KAT5: variants seen among roughly 807,000 people sequenced by gnomAD.
KAT5 encodes the protein lysine acetyltransferase 5, also known as histone acetyltransferase KAT5.
KAT5 carries 31 observed loss-of-function variants against 68.1 expected under a neutral mutation model. The observed-to-expected ratio is 0.46, with a 90% CI of 0.34 to 0.61. KAT5 has a LOEUF of 0.61. Among genes scored for constraint, KAT5 ranks in the 20% least tolerant of loss-of-function variants. KAT5 has a pLI of 0.01. For missense variants in KAT5, 451 were observed against 725.5 expected (o/e 0.62, Z 4.35); for synonymous variants, 365 against 292.6 (o/e 1.25, Z -2.52).
rs898565080 is a variant in KAT5, at chr11:65,719,489, A to G, written c.*308A>G. 3.3e-6 allele frequency: 2 copies of G among 608,914 alleles called. No homozygotes were observed. The highest frequency in any genetic ancestry group is 3.7e-5 in the African/African-American group (2 of 53,990). The allele number at this position is 608,914 out of a possible 1,614,324, so 37.7% of individuals were successfully genotyped here. A position where few individuals can be genotyped will look rare whatever the true frequency, so the allele number is the denominator to read the frequency against. ...GGGAGCTCTGTACAGAGGGCTGGTG[A>G]TTGTAAAAATTTCTTTTGTAAAGTA... is the stretch of plus-strand genomic sequence containing the variant. On this transcript the variant is annotated 3_prime_UTR_variant, in exon 13 of 13. Coordinates refer to ENST00000341318, the MANE Select transcript of KAT5 (RefSeq NM_182710.3).
At chr11:65,715,593 T>C (rs894428757) in intron 8 of KAT5, among the ~76,000 whole-genome samples, 1 of 151,700 alleles carries the variant, frequency 6.6e-6, no homozygotes, top group Non-Finnish European at 1.5e-5. Context: ...ACCCTGTCTC[T>C]ACTAAAAAGT....
chr11:65,712,508 T>A, intron 1 of KAT5, 63 bp downstream of exon 1: 1 of 1,495,864 alleles, frequency 6.7e-7, no homozygotes, highest in South Asian at 1.2e-5. Flanking sequence ...TCAACTGAAA[T>A]CCCGGGATGG....
chr11:65,713,135 T>C, intron 3 of KAT5, 77 bp downstream of exon 3: 1 of 1,563,036 alleles, frequency 6.4e-7, no homozygotes, highest in Non-Finnish European at 8.8e-7. Flanking sequence ...AGCTCCTGGA[T>C]GGGCAGGAGG....
intron 8 of KAT5, chr11:65,715,829 G>C (rs1465644216): frequency 6.6e-6 from 1 of 152,052 alleles, no homozygotes; most frequent in East Asian, 1.9e-4. Flanking sequence ...CCAGCACTTT[G>C]GGAGGCCAAG....
chr11:65,719,245 C>A lies in KAT5; in HGVS notation c.*64C>A, dbSNP rs905995665. On this transcript the variant is annotated 3_prime_UTR_variant, in exon 13 of 13. Transcript: ENST00000341318. ...ACTGGGGCTGATAGCCCACCCCGCC[C>A]CCACTGCAGCTCCCACAAAGCACTC... 3 of 1,564,980 alleles carry A rather than the reference C, an allele frequency of 1.9e-6. No homozygotes were observed. The highest frequency in any genetic ancestry group is 8.7e-7 in the Non-Finnish European group (1 of 1,149,508).
In KAT5 at chr11:65,713,478, G is replaced by A; in HGVS notation, c.515G>A (p.Cys172Tyr). Residue 172 changes from cysteine to tyrosine, a missense_variant, in exon 4 of 13, where the codon TGC becomes TAC. This residue lies in a region of KAT5 where 135 missense variants were observed against 173.4 expected (regional missense o/e 0.78). Coordinates refer to ENST00000341318, the MANE Select transcript of KAT5 (RefSeq NM_182710.3). ...GACCAGCCGCTCTCCTCCAGCTCCTGCCTGCAGCCCAACCACCGCTCAACG... is the reference window on the plus strand; with the variant it reads ...GACCAGCCGCTCTCCTCCAGCTCCTACCTGCAGCCCAACCACCGCTCAACG... ...EPDQPLSSSS[C>Y]LQPNHRSTKR... 6.2e-7 allele frequency: 1 copy of A among 1,614,184 alleles called. No homozygotes were observed. Among genetic ancestry groups the A allele is most frequent in the Non-Finnish European group, 8.5e-7 (1 of 1,180,028 alleles).
Position 65,719,137 on chromosome 11 carries a change from C to G in KAT5, c.1597C>G (p.Leu533Val), listed in dbSNP as rs537738482. 1.2e-6 allele frequency: 2 copies of G among 1,614,214 alleles called. No homozygotes were observed. Among genetic ancestry groups the G allele is most frequent in the African/African-American group, 2.7e-5 (2 of 75,064 alleles). Residue 533 changes from leucine to valine, a missense_variant, in exon 13 of 13, where the codon CTG (leucine) becomes GTG (valine). Physicochemically the swap from Leu to Val is conservative, Grantham distance 32. Coordinates refer to ENST00000341318, the MANE Select transcript of KAT5 (RefSeq NM_182710.3). ...KRLLRIDSKC[L>V]HFTPKDWSKR... Reference sequence around the variant, plus strand: ...GCTCCTGCGGATCGACTCCAAGTGTCTGCACTTCACTCCCAAGGACTGGAG... The same window carrying G: ...GCTCCTGCGGATCGACTCCAAGTGTGTGCACTTCACTCCCAAGGACTGGAG...
In KAT5 at chr11:65,713,479, C is replaced by T. The variant is rs1159500981; in HGVS notation, c.516C>T (p.Cys172=). The part of the protein sequence containing the change: ...EPDQPLSSSS[C]LQPNHRSTKR... Reference sequence around the variant, plus strand: ...ACCAGCCGCTCTCCTCCAGCTCCTGCCTGCAGCCCAACCACCGCTCAACGG... The same window carrying T: ...ACCAGCCGCTCTCCTCCAGCTCCTGTCTGCAGCCCAACCACCGCTCAACGG... Residue 172 remains cysteine (C), a synonymous_variant, in exon 4 of 13, where the codon TGC becomes TGT. Coordinates refer to ENST00000341318, the MANE Select transcript of KAT5 (RefSeq NM_182710.3). 1.9e-6 allele frequency: 3 copies of T among 1,614,232 alleles called. No homozygotes were observed. Among genetic ancestry groups the T allele is most frequent in the East Asian group, 2.2e-5 (1 of 44,888 alleles).
chr11:65,713,766 C>T lies in KAT5; in HGVS notation c.616-8C>T. 2 of 1,613,254 alleles carry T rather than the reference C, an allele frequency of 1.2e-6. No individual in the cohort carries two copies. Among genetic ancestry groups the T allele is most frequent in the South Asian group, 1.1e-5 (1 of 90,936 alleles). ...CAGCCATCCCTTCTTTTCCTACTAT[C>T]TCGGCAGAATGGAGCCGCCCGTAGG... On this transcript the variant is annotated splice_polypyrimidine_tract_variant and splice_region_variant and intron_variant, in intron 5 of 12. Coordinates refer to ENST00000341318, the MANE Select transcript of KAT5 (RefSeq NM_182710.3).
chr11:65,713,814 G>A lies in KAT5; in HGVS notation c.656G>A (p.Arg219Gln), dbSNP rs372880133. 1.0e-5 allele frequency: 16 copies of A among 1,601,512 alleles called. No individual in the cohort carries two copies. Among genetic ancestry groups the A allele is most frequent in the Non-Finnish European group, 1.2e-5 (14 of 1,173,970 alleles). The change falls in exon 6 of 13, where the codon CGG (arginine) becomes CAG (glutamine). Residue 219 changes from arginine (R) to glutamine (Q), a missense_variant. Around this residue, in one of 4 missense-constraint regions of KAT5, gnomAD observed 210 missense variants for 423.7 expected, o/e 0.50. Coordinates refer to ENST00000341318, the MANE Select transcript of KAT5 (RefSeq NM_182710.3). ...AGGGCAGTGGCAGCCCAGCCAGGAC[G>A]GAAGCGAAAATCGAATTGTTTGGGC... is the stretch of plus-strand genomic sequence containing the variant. ...ARRAVAAQPGRKRKSNCLGTD... is the reference protein window; with the variant it reads ...ARRAVAAQPGQKRKSNCLGTD...
At chr11:65,715,557 G>A (rs1205759332) in intron 8 of KAT5, among the ~76,000 whole-genome samples, 1 of 150,118 alleles carries the variant, frequency 6.7e-6, no homozygotes, top group African/African-American at 2.5e-5. Flanking sequence ...TCAGGAGATC[G>A]AGACCATCCT....
In KAT5 at chr11:65,714,618, C is replaced by T; in HGVS notation, c.814C>T (p.Arg272Trp). The change falls in exon 7 of 13, where the codon CGG (arginine) becomes TGG (tryptophan). Residue 272 changes from arginine to tryptophan, a missense_variant. Arg to Trp is a moderately radical substitution (Grantham distance 101). This residue lies in a region of KAT5 where 210 missense variants were observed against 423.7 expected (regional missense o/e 0.50). Coordinates refer to ENST00000341318, the MANE Select transcript of KAT5 (RefSeq NM_182710.3). ...GAACATTGAGTGCATTGAGCTGGGC[C>T]GGCACCGCCTCAAGCCGTGGTACTT... is the stretch of plus-strand genomic sequence containing the variant. The part of the protein sequence containing the change: ...MKNIECIELG[R>W]HRLKPWYFSP... 7 of 1,614,158 alleles carry T rather than the reference C, an allele frequency of 4.3e-6. No homozygotes were observed. The highest frequency in any genetic ancestry group is 5.9e-6 in the Non-Finnish European group (7 of 1,180,036).
upstream of KAT5, chr11:65,712,180 G>A (rs1223953182): frequency 4.6e-6 from 6 of 1,309,612 alleles, no homozygotes; most frequent in Non-Finnish European, 4.0e-6. Flanking sequence ...CCTCTACAGG[G>A]GCTTCGTGAG....
In KAT5 at chr11:65,714,752, G is replaced by T. The variant is rs752454142; in HGVS notation, c.939+9G>T. On this transcript the variant is annotated intron_variant, in intron 7 of 12. Transcript: ENST00000341318. ...GTCTTCAGCGTCATTTGGTATGAGG[G>T]GTCCAGGGAGGCTGCCTTCCCAGCA... 5 of 1,614,132 alleles carry T rather than the reference G, an allele frequency of 3.1e-6. No homozygotes were observed. The highest frequency in any genetic ancestry group is 2.5e-6 in the Non-Finnish European group (3 of 1,180,008).
chr11:65,719,580 G>T lies in KAT5; in HGVS notation c.*399G>T, dbSNP rs533513209. The T allele has an allele frequency of 3.0e-6, 2 of 660,562 alleles. No homozygotes were observed. The highest frequency in any genetic ancestry group is 5.0e-5 in the Admixed American group (2 of 40,278). 40.9% of individuals were successfully genotyped at this position (660,562 alleles called of 1,614,324 possible). On this transcript the variant is annotated 3_prime_UTR_variant, in exon 13 of 13. Transcript: ENST00000341318. ...GGCTTCTCTTACCCCTATTGCCCCC[G>T]GCAATAAATTGTTTCTATATGCCAG...
At chr11:65,713,232 G>T in intron 3 of KAT5, 116 bp from the exon 4 acceptor site, 1 of 1,323,966 alleles carries the variant, frequency 7.6e-7, no homozygotes, top group South Asian at 1.3e-5. Flanking sequence ...CTAGTCCTGT[G>T]TCCTTCAGAA....
At chr11:65,718,500 A>C (rs997423938) in intron 10 of KAT5, 90 bp from the exon 11 acceptor site, 3 of 1,372,856 alleles carry the variant, frequency 2.2e-6, no homozygotes, top group Non-Finnish European at 3.0e-6. Context: ...GATAGGAACT[A>C]GGCAGCCTGC....
chr11:65,717,124 T>C, intron 10 of KAT5, 142 bp downstream of exon 10: 1 of 675,240 alleles, frequency 1.5e-6, no homozygotes, highest in Non-Finnish European at 2.6e-6. Context: ...AGTGGCACTC[T>C]CCCGGGGTTC....
intron 10 of KAT5, 140 bp from the exon 11 acceptor site, chr11:65,718,450 G>A: frequency 1.3e-6 from 1 of 796,154 alleles, no homozygotes; most frequent in Non-Finnish European, 2.0e-6. Context: ...CTGAGGCACA[G>A]AGAAGTGGAG....
Sources: allele counts gnomAD v4.1 joint callset (sites outside exome capture counted in the v4.1 genomes callset), GRCh38; gene constraint gnomAD v4.1.1; regional missense constraint gnomAD v4.1.1; transcripts MANE v1.5; gene names NCBI Gene and HGNC (gene_info 2026-07-23, HGNC 2026-07-21).